Variants in DCDC2 observed in about 807,000 individuals in gnomAD.
DCDC2 encodes the protein doublecortin domain containing 2, also known as doublecortin domain-containing protein 2.
DCDC2 carries 40 observed loss-of-function variants against 50.2 expected under a neutral mutation model. The observed-to-expected ratio is 0.80, with a 90% CI of 0.62 to 1.04. The LOEUF is 1.04. Ranked by LOEUF, DCDC2 falls within the 50% of genes least tolerant of loss-of-function variation. The probability of loss-of-function intolerance (pLI) is 0.00; values close to 1 mark genes in which losing one functional copy is unlikely to be tolerated. For missense variants in DCDC2, 570 were observed against 581.9 expected (o/e 0.98, Z 0.21); for synonymous variants, 234 against 210.6 (o/e 1.11, Z -0.96).
chr6:24,375,150 AC>A, the DCDC2 span, among the ~76,000 whole-genome samples: 1 of 151,324 alleles, frequency 6.6e-6, no homozygotes, highest in Non-Finnish European at 1.5e-5. Context: ...GCTTCCTACC[AC>A]CCTCTCCCCT....
Position 24,297,535 on chromosome 6 carries a change from T to C in DCDC2, c.557+4180A>G, listed in dbSNP as rs534755724. Among the ~76,000 whole-genome samples the C allele has an allele frequency of 1.2e-4, 18 of 152,334 alleles. No individual in the cohort carries two copies. The South Asian group carries it at 2.9e-3, about 25-fold the overall frequency. ...CAACATAACTATACTTTCATTTCTATATTTTTACTTGAATATATTTTATTT... is the reference window on the plus strand; with the variant it reads ...CAACATAACTATACTTTCATTTCTACATTTTTACTTGAATATATTTTATTT... On this transcript the variant is annotated intron_variant, in intron 4 of 9. Coordinates refer to ENST00000378454, the MANE Select transcript of DCDC2 (RefSeq NM_016356.5).
chr6:24,248,188 G>A (rs1369664705), intron 7 of DCDC2, among the ~76,000 whole-genome samples: 2 of 152,176 alleles, frequency 1.3e-5, no homozygotes, highest in African/African-American at 4.8e-5. Context: ...ATTGTTGTGG[G>A]CATTAAATGA....
At chr6:24,362,352 A>T, upstream of DCDC2, among the ~76,000 whole-genome samples, 1 of 143,256 alleles carries the variant, frequency 7.0e-6, no homozygotes, top group Non-Finnish European at 1.5e-5. Context: ...TGTTGATACA[A>T]TTATTTTTTA....
intron 9 of DCDC2, among the ~76,000 whole-genome samples, chr6:24,177,872 T>C (rs1760959584): frequency 1.3e-5 from 2 of 152,232 alleles, no homozygotes; most frequent in African/African-American, 2.4e-5. Context: ...CAAACTAACT[T>C]CAGTACTTCT....
chr6:24,175,755 G>C (rs1340084112), intron 9 of DCDC2, among the ~76,000 whole-genome samples: 1 of 152,080 alleles, frequency 6.6e-6, no homozygotes, highest in Non-Finnish European at 1.5e-5. Context: ...TTGTTACATG[G>C]AACAAAATGT....
At chr6:24,175,384 T>G (rs1216954522) in intron 9 of DCDC2, among the ~76,000 whole-genome samples, 1 of 152,158 alleles carries the variant, frequency 6.6e-6, no homozygotes, top group East Asian at 1.9e-4. Flanking sequence ...CATTGTCTCA[T>G]GTACAACTCA....
intron 4 of DCDC2, among the ~76,000 whole-genome samples, chr6:24,295,242 T>G (rs1266420851): frequency 6.6e-6 from 1 of 152,206 alleles, no homozygotes; most frequent in African/African-American, 2.4e-5. Flanking sequence ...TCTCAATAGA[T>G]GCAGAAAAGG....
intron 2 of DCDC2, among the ~76,000 whole-genome samples, chr6:24,343,026 C>T (rs1038169210): frequency 2.0e-5 from 3 of 151,482 alleles, no homozygotes; most frequent in Admixed American, 1.3e-4. Flanking sequence ...GAATGTAGTC[C>T]ACTGCCTGGC....
the DCDC2 span, among the ~76,000 whole-genome samples, chr6:24,365,357 T>A: frequency 6.6e-6 from 1 of 152,246 alleles, no homozygotes; most frequent in Non-Finnish European, 1.5e-5. Context: ...AACGGCATGA[T>A]CTCGGCTTAC....
intron 8 of DCDC2, among the ~76,000 whole-genome samples, chr6:24,203,669 A>G (rs1761638766): frequency 6.6e-6 from 1 of 152,232 alleles, no homozygotes; most frequent in South Asian, 2.1e-4. Context: ...GCTTCTGCAC[A>G]GCAAAAGAAA....
upstream of DCDC2, among the ~76,000 whole-genome samples, chr6:24,359,003 T>TATATA (rs1760569870): frequency 2.3e-4 from 15 of 64,952 alleles, 1 homozygote; most frequent in Non-Finnish European, 7.7e-5. Context: ...TATTATATAT[T>TATATA]TTATATATTA....
chr6:24,261,703 C>T (rs563051601), intron 7 of DCDC2, among the ~76,000 whole-genome samples: 2 of 152,148 alleles, frequency 1.3e-5, no homozygotes, highest in East Asian at 1.9e-4. Context: ...CCCTAATTTC[C>T]GAGGTCAATT....
Position 24,262,186 on chromosome 6 carries a change from G to A in DCDC2, c.922+15863C>T, listed in dbSNP as rs1763026416. On this transcript the variant is annotated intron_variant, in intron 7 of 9. Coordinates refer to ENST00000378454, the MANE Select transcript of DCDC2 (RefSeq NM_016356.5). The stretch of plus-strand genomic sequence containing the variant: ...AGAATCTGTGTGCTTAGGGGAGGGA[G>A]AGCACAGTAATTGTGAGACTTTGCA... Among the ~76,000 whole-genome samples, 4 of 150,152 alleles carry A rather than the reference G, an allele frequency of 2.7e-5. No individual in the cohort carries two copies. In the South Asian group the frequency reaches 8.5e-4, roughly 32 times the overall value.
intron 7 of DCDC2, among the ~76,000 whole-genome samples, chr6:24,210,556 A>G (rs78438927): frequency 0.045 from 6,792 of 152,194 alleles, 163 homozygotes; most frequent in African/African-American, 0.058. Flanking sequence ...TCCTTTTAAA[A>G]TGTATCTCAA....
At chr6:24,284,788 G>C (rs1399582765) in intron 6 of DCDC2, among the ~76,000 whole-genome samples, 1 of 152,002 alleles carries the variant, frequency 6.6e-6, no homozygotes, top group South Asian at 2.1e-4. Flanking sequence ...CACATGCCAG[G>C]CTCTTTAGCA....
chr6:24,227,595 G>T (rs10223871), intron 7 of DCDC2, among the ~76,000 whole-genome samples: 1,777 of 152,278 alleles, frequency 0.012, 29 homozygotes, highest in African/African-American at 0.039. Context: ...GGTCCTATCT[G>T]CCAGGTGTTC....
rs573045855 is a variant in DCDC2 at position 24,326,591 on chromosome 6, C to CTT, written c.349-24549_349-24548dup. Among the ~76,000 whole-genome samples the CTT allele has an allele frequency of 9.9e-4, 148 of 149,256 alleles. 3 individuals are homozygous for CTT. The highest frequency in any genetic ancestry group is 3.4e-3 in the African/African-American group (140 of 41,352). On this transcript the variant is annotated intron_variant, in intron 2 of 9. Coordinates refer to ENST00000378454, the MANE Select transcript of DCDC2 (RefSeq NM_016356.5). ...CATGTATGATGAGCGGGCATGGAGG[C>CTT]TTATGCCTATAACCCAGCACTTTGG...
At chr6:24,305,764 C>T (rs188830054) in intron 2 of DCDC2, among the ~76,000 whole-genome samples, 2 of 151,552 alleles carry the variant, frequency 1.3e-5, no homozygotes, top group African/African-American at 4.9e-5. Flanking sequence ...CAGTGGCTTA[C>T]ACCTATAATC....
chr6:24,326,358 C>T (rs76104407), intron 2 of DCDC2, among the ~76,000 whole-genome samples: 3,333 of 148,590 alleles, frequency 0.022, 239 homozygotes, highest in Non-Finnish European at 0.035. Context: ...TAGAAGGACC[C>T]CCCCATGCCC....
Sources: gnomAD v4.1 joint callset for allele counts (sites outside exome capture counted in the v4.1 genomes callset) on GRCh38, gnomAD v4.1.1 for gene constraint, MANE v1.5 for transcripts, NCBI Gene and HGNC (gene_info 2026-07-23, HGNC 2026-07-21) for gene names.